The following CDH13 variants were observed in gnomAD, a reference collection of about 807,000 sequenced individuals.
The protein encoded by CDH13 is cadherin 13, also known as cadherin-13.
CDH13 carries 24 observed loss-of-function variants against 63.8 expected under a neutral mutation model. That is an observed-to-expected ratio of 0.38 (90% CI 0.27 to 0.53). The LOEUF (loss-of-function observed/expected upper bound fraction) is 0.53, where lower values mean the gene tolerates loss of function less well. Among genes scored for constraint, CDH13 ranks in the 20% least tolerant of loss-of-function variants. The pLI, the probability that CDH13 is intolerant of heterozygous loss-of-function variation, is 0.85. For synonymous variants in CDH13, 503 were observed against 355.3 expected (o/e 1.42, Z -4.67); for missense variants, 1,049 against 903.1 (o/e 1.16, Z -2.07).
intron 2 of CDH13, among the ~76,000 whole-genome samples, chr16:82,862,533 G>T (rs962946463): frequency 9.4e-5 from 14 of 149,342 alleles, no homozygotes; most frequent in African/African-American, 3.0e-4. Context: ...ATCCTCATTG[G>T]CCACATAGCC....
intron 6 of CDH13, among the ~76,000 whole-genome samples, chr16:83,444,759 C>T (rs575218016): frequency 1.6e-3 from 9 of 5,616 alleles, no homozygotes; most frequent in Middle Eastern, 0.045. Context: ...CTCTGACTGC[C>T]GAGTTAATTT....
intron 5 of CDH13, among the ~76,000 whole-genome samples, chr16:83,237,116 G>C (rs2040168760): frequency 6.6e-6 from 1 of 152,154 alleles, no homozygotes; most frequent in Non-Finnish European, 1.5e-5. Flanking sequence ...GGCATGGGCA[G>C]CTTTTATGTA....
intron 6 of CDH13, among the ~76,000 whole-genome samples, chr16:83,406,518 C>T (rs1366577016): frequency 1.3e-5 from 2 of 151,630 alleles, no homozygotes; most frequent in African/African-American, 4.8e-5. Flanking sequence ...GGCTGGAGTG[C>T]AATGGCACAA....
chr16:82,913,896 G>T (rs1363294954), intron 2 of CDH13, among the ~76,000 whole-genome samples: 1 of 152,152 alleles, frequency 6.6e-6, no homozygotes, highest in African/African-American at 2.4e-5. Context: ...TAAGGAGACT[G>T]CTGAGAAACA....
chr16:83,656,027 G>A (rs1180219997), intron 8 of CDH13, among the ~76,000 whole-genome samples: 1 of 152,060 alleles, frequency 6.6e-6, no homozygotes, highest in East Asian at 1.9e-4. Flanking sequence ...CACTATCTAA[G>A]GCTGGAACTT....
intron 1 of CDH13, among the ~76,000 whole-genome samples, chr16:82,774,610 G>A (rs1048657847): frequency 2.0e-4 from 31 of 152,138 alleles, no homozygotes; most frequent in Admixed American, 1.9e-3. Context: ...CTTTCATATA[G>A]ATTTTATCTG....
intron 5 of CDH13, among the ~76,000 whole-genome samples, chr16:83,309,840 A>G (rs556440218): frequency 6.6e-6 from 1 of 151,238 alleles, no homozygotes; most frequent in Admixed American, 6.6e-5. Flanking sequence ...GTCTTTGTGG[A>G]CTTCAGAAGT....
intron 1 of CDH13, among the ~76,000 whole-genome samples, chr16:82,676,586 A>T (rs1313607640): frequency 2.0e-5 from 3 of 147,480 alleles, no homozygotes; most frequent in African/African-American, 7.5e-5. Context: ...TCTTCTCCCC[A>T]ACCAGAATGA....
At chr16:82,645,028 G>T (rs963454383) in intron 1 of CDH13, among the ~76,000 whole-genome samples, 1 of 152,198 alleles carries the variant, frequency 6.6e-6, no homozygotes, top group African/African-American at 2.4e-5. Flanking sequence ...AGATTGTAGT[G>T]TGTTTCAGTT....
At chr16:83,575,114 C>G (rs35662541) in intron 7 of CDH13, among the ~76,000 whole-genome samples, 57,417 of 152,038 alleles carry the variant, frequency 0.38, 11,751 homozygotes, top group East Asian at 0.62. Context: ...CTGAAGCCAC[C>G]TGGCTTGTGG....
intron 2 of CDH13, among the ~76,000 whole-genome samples, chr16:82,948,813 A>T (rs147709657): frequency 6.6e-6 from 1 of 152,182 alleles, no homozygotes; most frequent in African/African-American, 2.4e-5. Context: ...AATGTAACCA[A>T]TGTTCAAATA....
At chr16:83,301,025 G>GTTGTT (rs2089722625) in intron 5 of CDH13, among the ~76,000 whole-genome samples, 1 of 78,756 alleles carries the variant, frequency 1.3e-5, no homozygotes, top group East Asian at 4.6e-4. Context: ...ACTTTCTGGG[G>GTTGTT]TTTTTTTTTT....
At chr16:83,112,906 A>G (rs1427716875) in intron 3 of CDH13, among the ~76,000 whole-genome samples, 1 of 152,210 alleles carries the variant, frequency 6.6e-6, no homozygotes, top group African/African-American at 2.4e-5. Flanking sequence ...GAGGAACTTT[A>G]AGACCGGCTT....
chr16:83,121,865 C>G (rs896514817), intron 3 of CDH13, among the ~76,000 whole-genome samples: 24 of 151,962 alleles, frequency 1.6e-4, no homozygotes, highest in Admixed American at 9.2e-4. Context: ...ATACTCCCAC[C>G]CAAATCAAGA....
intron 6 of CDH13, among the ~76,000 whole-genome samples, chr16:83,377,120 G>T (rs1021825813): frequency 1.3e-5 from 2 of 152,242 alleles, no homozygotes. Context: ...ACCCAGCTGA[G>T]TCCTTCCTGA....
At chr16:83,147,847 C>T (rs575045410) in intron 4 of CDH13, among the ~76,000 whole-genome samples, 1 of 152,220 alleles carries the variant, frequency 6.6e-6, no homozygotes, top group African/African-American at 2.4e-5. Context: ...AGCACAGCAC[C>T]CTGACACCAT....
chr16:82,936,895 C>G (rs2042685884), intron 2 of CDH13, among the ~76,000 whole-genome samples: 2 of 152,006 alleles, frequency 1.3e-5, no homozygotes, highest in African/African-American at 4.8e-5. Context: ...CCAGAGTTCA[C>G]CTTTGAAGAC....
chr16:83,508,703 G>C (rs953033325), intron 7 of CDH13, among the ~76,000 whole-genome samples: 1 of 152,132 alleles, frequency 6.6e-6, no homozygotes, highest in Non-Finnish European at 1.5e-5. Context: ...TGCCACCTGT[G>C]TATTGACTCT....
intron 7 of CDH13, among the ~76,000 whole-genome samples, chr16:83,520,472 G>T (rs2074804424): frequency 6.6e-6 from 1 of 152,168 alleles, no homozygotes. Flanking sequence ...TGCAGGGTTT[G>T]CTCTGAGGGA....
Sources: gnomAD v4.1 joint callset for allele counts (sites outside exome capture counted in the v4.1 genomes callset) on GRCh38, gnomAD v4.1.1 for gene constraint, MANE v1.5 for transcripts, NCBI Gene and HGNC (gene_info 2026-07-23, HGNC 2026-07-21) for gene names.